Variants in RALYL observed in about 807,000 individuals in gnomAD.
RALYL encodes the protein RNA-binding Raly-like protein.
In RALYL, 29 loss-of-function variants were observed where a neutral mutation model predicts 35.1. The observed-to-expected ratio is 0.83, with a 90% CI of 0.61 to 1.13. RALYL has a LOEUF of 1.13. RALYL is among the 50% of genes most tolerant of loss of function. The pLI is 0.00. For missense variants in RALYL, 359 were observed against 360.4 expected (o/e 1.00, Z 0.03); for synonymous variants, 120 against 127.6 (o/e 0.94, Z 0.40).
At chr8:84,292,060 AAGTC>A (rs1327304027) in intron 1 of RALYL, among the ~76,000 whole-genome samples, 1 of 151,862 alleles carries the variant, frequency 6.6e-6, no homozygotes, top group Non-Finnish European at 1.5e-5. Flanking sequence ...TTGGTATAAA[AAGTC>A]AGGCTTGCTG....
At chr8:84,864,820 C>A (rs1050206142) in intron 6 of RALYL, 23 of 606,130 alleles carry the variant, frequency 3.8e-5, no homozygotes, top group Admixed American at 3.1e-4. Context: ...GTGTAGTAGT[C>A]AATGTCATGG....
chr8:84,250,528 A>C (rs1829983047), intron 1 of RALYL, among the ~76,000 whole-genome samples: 1 of 152,052 alleles, frequency 6.6e-6, no homozygotes, highest in Non-Finnish European at 1.5e-5. Flanking sequence ...ACCCAGAGAC[A>C]TAATGGCCAT....
At position 84,890,681 on chromosome 8, in the gene RALYL, C is replaced by T. The variant is rs563243299; in HGVS notation, c.858+2905C>T. Among the ~76,000 whole-genome samples the T allele has an allele frequency of 2.4e-4, 37 of 152,186 alleles. 1 individual carries two copies. In the South Asian group the frequency reaches 7.3e-3, roughly 30 times the overall value. Reference sequence around the variant, plus strand: ...TACTGATGCTGCTGGTCTGGGATCACACTTTGAGAACTACTGTTATCACGT... The same window carrying T: ...TACTGATGCTGCTGGTCTGGGATCATACTTTGAGAACTACTGTTATCACGT... On this transcript the variant is annotated intron_variant, in intron 8 of 8. Coordinates refer to ENST00000521268, the MANE Select transcript of RALYL (RefSeq NM_173848.7).
chr8:84,713,358 C>A (rs933963395), intron 2 of RALYL, among the ~76,000 whole-genome samples: 2 of 151,766 alleles, frequency 1.3e-5, no homozygotes, highest in Non-Finnish European at 2.9e-5. Context: ...ACTCAAACAG[C>A]TCAATAGCAA....
chr8:84,429,264 G>C (rs2046885108), intron 1 of RALYL, among the ~76,000 whole-genome samples: 1 of 152,140 alleles, frequency 6.6e-6, no homozygotes, highest in Non-Finnish European at 1.5e-5. Flanking sequence ...TTGCAGAAAA[G>C]AAGCAGGGAA....
chr8:84,493,129 C>CA (rs1564027318), intron 1 of RALYL, among the ~76,000 whole-genome samples: 1 of 152,044 alleles, frequency 6.6e-6, no homozygotes, highest in African/African-American at 2.4e-5. Context: ...CATGTGTTCT[C>CA]ATTGTTTAAC....
At chr8:84,628,758 C>T (rs1433898795) in intron 2 of RALYL, among the ~76,000 whole-genome samples, 2 of 151,894 alleles carry the variant, frequency 1.3e-5, no homozygotes, top group South Asian at 2.1e-4. Context: ...GTAGCAGTCT[C>T]CATGAGCATC....
intron 2 of RALYL, among the ~76,000 whole-genome samples, chr8:84,755,394 A>C (rs1222714818): frequency 6.6e-6 from 1 of 152,174 alleles, no homozygotes; most frequent in African/African-American, 2.4e-5. Context: ...CATCAAATAA[A>C]ATGATGTGTA....
chr8:84,677,652 C>A lies in RALYL; in HGVS notation c.257-96927C>A, dbSNP rs181299969. On this transcript the variant is annotated intron_variant, in intron 2 of 8. Coordinates refer to ENST00000521268, the MANE Select transcript of RALYL (RefSeq NM_173848.7). ...CTTCTAAATAGAAAATGCTTAAAACCAGCAGTATTTATTGATATTTTGTGC... is the reference window on the plus strand; with the variant it reads ...CTTCTAAATAGAAAATGCTTAAAACAAGCAGTATTTATTGATATTTTGTGC... 2.3e-3 allele frequency among the ~76,000 whole-genome samples: 357 copies of A among 152,116 alleles called. 3 individuals carry two copies. Among genetic ancestry groups the A allele is most frequent in the African/African-American group, 8.1e-3 (335 of 41,506 alleles).
chr8:84,422,321 C>G (rs1417042074), intron 1 of RALYL, among the ~76,000 whole-genome samples: 5 of 119,504 alleles, frequency 4.2e-5, no homozygotes, highest in African/African-American at 7.0e-5. Context: ...TCTAGATTTT[C>G]TAGTTTATTT....
At chr8:84,569,481 T>A (rs1184567778) in intron 2 of RALYL, among the ~76,000 whole-genome samples, 1 of 151,896 alleles carries the variant, frequency 6.6e-6, no homozygotes, top group African/African-American at 2.4e-5. Context: ...TTCTAGATAT[T>A]ATTAGTCCTT....
intron 2 of RALYL, among the ~76,000 whole-genome samples, chr8:84,709,066 G>T (rs1841709025): frequency 6.6e-6 from 1 of 152,102 alleles, no homozygotes; most frequent in Non-Finnish European, 1.5e-5. Context: ...AAATACTTGA[G>T]ATCACTTCAG....
At chr8:84,905,665 C>T (rs543332014) in intron 8 of RALYL, among the ~76,000 whole-genome samples, 15 of 150,944 alleles carry the variant, frequency 9.9e-5, no homozygotes, top group African/African-American at 2.9e-4. Flanking sequence ...TGTTCTATTC[C>T]TTGAATTTTC....
chr8:84,233,847 A>T (rs1022892040), intron 1 of RALYL, among the ~76,000 whole-genome samples: 1 of 152,144 alleles, frequency 6.6e-6, no homozygotes, highest in Non-Finnish European at 1.5e-5. Context: ...ATTCTTGAGA[A>T]TAGCATGTTT....
chr8:84,228,132 G>A (rs1370418), intron 1 of RALYL, among the ~76,000 whole-genome samples: 77,329 of 137,572 alleles, frequency 0.56, 20,180 homozygotes, highest in Admixed American at 0.59. Context: ...CTAGTTAAAC[G>A]AAGACATAAA....
intron 1 of RALYL, among the ~76,000 whole-genome samples, chr8:84,491,632 G>C (rs1246678525): frequency 6.6e-6 from 1 of 151,738 alleles, no homozygotes; most frequent in African/African-American, 2.4e-5. Flanking sequence ...TTGCTTTAAC[G>C]AAAACAAAAG....
intron 1 of RALYL, among the ~76,000 whole-genome samples, chr8:84,380,057 T>TTG (rs60900204): frequency 0.17 from 25,326 of 146,992 alleles, 2,791 homozygotes; most frequent in African/African-American, 0.33. Context: ...CTTCTCAAAA[T>TTG]TGTGTGTGTG....
intron 1 of RALYL, among the ~76,000 whole-genome samples, chr8:84,388,281 T>A (rs1389120136): frequency 6.6e-6 from 1 of 152,162 alleles, no homozygotes; most frequent in Non-Finnish European, 1.5e-5. Context: ...TTTGCTATTG[T>A]GATTAGTGCC....
At chr8:84,432,982 CAT>C (rs905409633) in intron 1 of RALYL, among the ~76,000 whole-genome samples, 5 of 151,926 alleles carry the variant, frequency 3.3e-5, no homozygotes, top group African/African-American at 1.2e-4. Flanking sequence ...TACACACATA[CAT>C]ATATATATGT....
Sources: allele counts gnomAD v4.1 joint callset (sites outside exome capture counted in the v4.1 genomes callset), GRCh38; gene constraint gnomAD v4.1.1; transcripts MANE v1.5; gene names NCBI Gene and HGNC (gene_info 2026-07-23, HGNC 2026-07-21).